EFHC1: variants seen among roughly 807,000 people sequenced by gnomAD.
The protein encoded by EFHC1 is EF-hand domain containing 1, also known as EF-hand domain-containing protein 1.
EFHC1 carries 53 observed loss-of-function variants against 69.9 expected under a neutral mutation model. The observed-to-expected ratio is 0.76, with a 90% CI of 0.61 to 0.95. EFHC1 has a LOEUF of 0.95. Among genes scored for constraint, EFHC1 ranks in the 40% least tolerant of loss-of-function variants. The pLI, the probability that EFHC1 is intolerant of heterozygous loss-of-function variation, is 0.00. For missense variants in EFHC1, 739 were observed against 798.7 expected (o/e 0.93, Z 0.90); for synonymous variants, 256 against 278.4 (o/e 0.92, Z 0.80).
At chr6:52,432,154 C>T (rs1764429666) in intron 2 of EFHC1, among the ~76,000 whole-genome samples, 1 of 152,144 alleles carries the variant, frequency 6.6e-6, no homozygotes, top group South Asian at 2.1e-4. Context: ...TTCTGCGATT[C>T]TGTATCTTTT....
Position 52,420,493 on chromosome 6 carries a change from A to G in EFHC1, c.63+20A>G. On this transcript the variant is annotated intron_variant, in intron 1 of 10. Transcript: ENST00000371068. ...TCTACGGTGAGCAGTTATCTGCCAG[A>G]CTCCCACCTGTCCCCACCTTCCAGC... 1 of 1,613,286 alleles carries G rather than the reference A, an allele frequency of 6.2e-7. No homozygotes were observed. Among genetic ancestry groups the G allele is most frequent in the East Asian group, 2.2e-5 (1 of 44,834 alleles).
chr6:52,437,868 T>C (rs1405077028), intron 2 of EFHC1, among the ~76,000 whole-genome samples: 1 of 152,170 alleles, frequency 6.6e-6, no homozygotes, highest in Admixed American at 6.6e-5. Context: ...GTTCAACATA[T>C]GAATTTTGGG....
rs1764579183 is a variant in EFHC1, at chr6:52,438,299, T to A, written c.286-5T>A. On this transcript the variant is annotated splice_polypyrimidine_tract_variant and splice_region_variant and intron_variant, in intron 2 of 10. Transcript: ENST00000371068. The stretch of plus-strand genomic sequence containing the variant: ...CACCATTTCTCCTTTCCTTGTATGT[T>A]ATAGGTACTGAAATTTGATGCCTAT... 1.2e-6 allele frequency: 2 copies of A among 1,611,678 alleles called. No homozygotes were observed. The highest frequency in any genetic ancestry group is 1.7e-5 in the Admixed American group (1 of 59,732).
intron 2 of EFHC1, among the ~76,000 whole-genome samples, chr6:52,433,739 C>T (rs979815213): frequency 1.3e-4 from 20 of 150,896 alleles, no homozygotes; most frequent in African/African-American, 4.9e-4. Flanking sequence ...CTAGAACTCC[C>T]AAGAGTATAT....
chr6:52,478,915 T>G (rs1344643921), intron 7 of EFHC1, 122 bp from the exon 8 acceptor site: 8 of 920,990 alleles, frequency 8.7e-6, no homozygotes, highest in Non-Finnish European at 1.4e-5. Context: ...ATGGTTTGTT[T>G]ATATTGTAAA....
chr6:52,452,599 G>A (rs886091231), intron 3 of EFHC1, 89 bp from the exon 4 acceptor site: 2 of 1,480,182 alleles, frequency 1.4e-6, no homozygotes, highest in Non-Finnish European at 1.9e-6. Context: ...ACAGTGCCTG[G>A]CCCATACACT....
chr6:52,477,153 T>A (rs1218862330), intron 7 of EFHC1, among the ~76,000 whole-genome samples: 1 of 152,150 alleles, frequency 6.6e-6, no homozygotes, highest in Non-Finnish European at 1.5e-5. Flanking sequence ...TGTATTTTAT[T>A]CTAAGTGTGC....
Position 52,492,818 on chromosome 6 carries a change from G to A in EFHC1, c.*477G>A, listed in dbSNP as rs115035804. On this transcript the variant is annotated 3_prime_UTR_variant, in exon 11 of 11. Coordinates refer to ENST00000371068, the MANE Select transcript of EFHC1 (RefSeq NM_018100.4). ...ATTTTGTAGAGACAAGGTCTTGCTA[G>A]GTTGCCTGAACTTGTCTCAAACTCA... 3 of 440,792 alleles carry A rather than the reference G, an allele frequency of 6.8e-6. No individual in the cohort carries two copies. The highest frequency in any genetic ancestry group is 1.4e-5 in the Non-Finnish European group (3 of 221,152). 27.3% of individuals were successfully genotyped at this position (440,792 alleles called of 1,614,324 possible).
At position 52,420,372 on chromosome 6, in the gene EFHC1, C is replaced by A. The variant is rs377482986; in HGVS notation, c.-39C>A. ...TTGTCGCCTGGGCAACCGGAGAGGA[C>A]GAAGCAGGACCTAGGTGGCGGCGGT... is the stretch of plus-strand genomic sequence containing the variant. On this transcript the variant is annotated 5_prime_UTR_variant, in exon 1 of 11. Transcript: ENST00000371068. 4.3e-6 allele frequency: 7 copies of A among 1,613,996 alleles called. No individual in the cohort carries two copies. Among genetic ancestry groups the A allele is most frequent in the Non-Finnish European group, 5.9e-6 (7 of 1,179,838 alleles).
At chr6:52,448,449 G>C (rs1764838719) in intron 3 of EFHC1, among the ~76,000 whole-genome samples, 1 of 152,172 alleles carries the variant, frequency 6.6e-6, no homozygotes. Flanking sequence ...GGAGTGTCCT[G>C]TTTTTCCAGA....
At chr6:52,445,136 T>A (rs1764752289) in intron 3 of EFHC1, among the ~76,000 whole-genome samples, 1 of 151,760 alleles carries the variant, frequency 6.6e-6, no homozygotes, top group Non-Finnish European at 1.5e-5. Context: ...GTGGGATCGA[T>A]GGTGATATCC....
chr6:52,425,295 A>T (rs1056620779), intron 2 of EFHC1, among the ~76,000 whole-genome samples: 1 of 152,200 alleles, frequency 6.6e-6, no homozygotes, highest in African/African-American at 2.4e-5. Context: ...TTTGACAGAC[A>T]TTGCAAAATC....
chr6:52,441,121 G>A (rs529428343), intron 3 of EFHC1, among the ~76,000 whole-genome samples: 12 of 151,794 alleles, frequency 7.9e-5, no homozygotes, highest in Admixed American at 3.3e-4. Context: ...TTTGCTCTGC[G>A]GAAGCTCTTA....
intron 5 of EFHC1, among the ~76,000 whole-genome samples, chr6:52,456,653 C>T (rs111555234): frequency 9.9e-5 from 15 of 152,256 alleles, no homozygotes; most frequent in African/African-American, 3.6e-4. Context: ...GTGGCCGAAG[C>T]CTATAATCCC....
chr6:52,486,106 A>C (rs1765780809), intron 9 of EFHC1: 1 of 152,190 alleles, frequency 6.6e-6, no homozygotes, highest in South Asian at 2.1e-4. Context: ...ATGCAGTTAC[A>C]AATATATTTT....
intron 2 of EFHC1, chr6:52,430,218 C>G (rs116756787): frequency 0.03 from 4,606 of 152,202 alleles, 102 homozygotes; most frequent in Non-Finnish European, 0.048. Context: ...TGTCTGATTG[C>G]TCTGCCTAGG....
At position 52,493,392 on chromosome 6, in the gene EFHC1, T is replaced by G. The variant is rs1169004621; in HGVS notation, c.*1051T>G. ...TATATATATATATATATATTTTATATGTACACATTCATACACACACACGCT... is the reference window on the plus strand; with the variant it reads ...TATATATATATATATATATTTTATAGGTACACATTCATACACACACACGCT... On this transcript the variant is annotated 3_prime_UTR_variant, in exon 11 of 11. Transcript: ENST00000371068. The G allele has an allele frequency of 3.5e-5, 5 of 143,948 alleles. No individual in the cohort carries two copies. The highest frequency in any genetic ancestry group is 1.0e-4 in the African/African-American group (2 of 20,028). The allele number at this position is 143,948 out of a possible 1,614,324, so 8.9% of individuals were successfully genotyped here.
chr6:52,422,834 T>C (rs1038039722), intron 1 of EFHC1, among the ~76,000 whole-genome samples: 4 of 152,206 alleles, frequency 2.6e-5, no homozygotes, highest in African/African-American at 7.2e-5. Context: ...TTCATGCACA[T>C]ATTTCCATGC....
At chr6:52,440,276 C>G (rs900512799) in intron 3 of EFHC1, among the ~76,000 whole-genome samples, 11 of 151,978 alleles carry the variant, frequency 7.2e-5, no homozygotes, top group Non-Finnish European at 1.5e-4. Flanking sequence ...ACGGTTGATT[C>G]ATTAACATTA....
Sources: allele counts gnomAD v4.1 joint callset (sites outside exome capture counted in the v4.1 genomes callset), GRCh38; gene constraint gnomAD v4.1.1; transcripts MANE v1.5; gene names NCBI Gene and HGNC (gene_info 2026-07-23, HGNC 2026-07-21).